RIMS2: variants seen among roughly 807,000 people sequenced by gnomAD.
The protein encoded by RIMS2 is regulating synaptic membrane exocytosis protein 2.
Under a neutral mutation model 174.4 loss-of-function variants are expected in RIMS2, and 59 were observed. The ratio of observed to expected loss-of-function variants is 0.34; its 90% CI spans 0.27 to 0.42. The LOEUF is 0.42. RIMS2 is among the 10% of genes least tolerant of loss of function. The pLI is 1.00. For missense variants in RIMS2, 1,620 were observed against 1,666.3 expected, an observed-to-expected ratio of 0.97 and a Z score of 0.48; for synonymous variants, 606 against 572.5, an observed-to-expected ratio of 1.06 and a Z score of -0.84.
intron 1 of RIMS2, among the ~76,000 whole-genome samples, chr8:103,604,845 A>AT (rs1355753073): frequency 2.3e-5 from 2 of 85,552 alleles, no homozygotes; most frequent in Non-Finnish European, 4.5e-5. Context: ...TTGTACATTG[A>AT]TTTTGTATCC....
chr8:103,893,116 G>A (rs2099256732), intron 4 of RIMS2, among the ~76,000 whole-genome samples: 1 of 152,032 alleles, frequency 6.6e-6, no homozygotes, highest in Non-Finnish European at 1.5e-5. Context: ...AAGAGGGATA[G>A]AGTAGATTCA....
chr8:104,148,951 C>T, intron 19 of RIMS2, 103 bp downstream of exon 25: 2 of 1,203,478 alleles, frequency 1.7e-6, no homozygotes, highest in Non-Finnish European at 1.2e-6. Context: ...TGGATGATGA[C>T]ATGTTCCAGA....
At chr8:103,975,602 G>C in intron 16 of RIMS2, 96 bp downstream of exon 18, 4 of 770,858 alleles carry the variant, frequency 5.2e-6, no homozygotes, top group Non-Finnish European at 8.2e-6. Flanking sequence ...ATACGAAAGG[G>C]AGTTTATTAG....
chr8:103,727,095 A>G (rs1002827271), intron 2 of RIMS2, among the ~76,000 whole-genome samples: 2 of 151,750 alleles, frequency 1.3e-5, no homozygotes, highest in Non-Finnish European at 2.9e-5. Flanking sequence ...TACTACTTCT[A>G]CTTATTTTTA....
At chr8:104,214,267 T>C (rs1009574181) in intron 19 of RIMS2, among the ~76,000 whole-genome samples, 4 of 152,244 alleles carry the variant, frequency 2.6e-5, no homozygotes, top group South Asian at 2.1e-4. Flanking sequence ...AGACTGTTTT[T>C]CTTGGGTAAT....
intron 2 of RIMS2, among the ~76,000 whole-genome samples, chr8:103,754,911 C>A (rs762839617): frequency 4.6e-5 from 7 of 152,092 alleles, no homozygotes; most frequent in Admixed American, 3.3e-4. Context: ...TTAATTGGCA[C>A]CTTTAGCCCG....
chr8:103,784,045 T>G (rs1410037788), intron 3 of RIMS2, among the ~76,000 whole-genome samples: 4 of 150,904 alleles, frequency 2.7e-5, no homozygotes, highest in African/African-American at 9.8e-5. Flanking sequence ...TTCATGTGTT[T>G]TTTGGCTGCA....
intron 19 of RIMS2, among the ~76,000 whole-genome samples, chr8:104,066,805 T>A (rs2097113092): frequency 6.6e-6 from 1 of 152,148 alleles, no homozygotes; most frequent in African/African-American, 2.4e-5. Flanking sequence ...TCTCACTTTA[T>A]TGAATAGTTG....
intron 19 of RIMS2, chr8:104,223,468 C>T (rs2099166030): frequency 7.3e-7 from 1 of 1,376,104 alleles, no homozygotes; most frequent in Admixed American, 3.4e-5. Context: ...ATTGGAGGTC[C>T]CGGCGGCCAG....
chr8:103,533,007 A>C (rs1387220309), intron 1 of RIMS2, among the ~76,000 whole-genome samples: 1 of 152,248 alleles, frequency 6.6e-6, no homozygotes, highest in Non-Finnish European at 1.5e-5. Context: ...ATATATGTTG[A>C]CATTACCAGA....
At chr8:103,916,923 A>G (rs1391945917) in intron 8 of RIMS2, among the ~76,000 whole-genome samples, 3 of 152,138 alleles carry the variant, frequency 2.0e-5, no homozygotes, top group Non-Finnish European at 2.9e-5. Flanking sequence ...CAATTCCTAC[A>G]TAGAGGTAAT....
intron 3 of RIMS2, among the ~76,000 whole-genome samples, chr8:103,867,712 G>T (rs2099090546): frequency 6.6e-6 from 1 of 151,740 alleles, no homozygotes; most frequent in Non-Finnish European, 1.5e-5. Context: ...TACTTCTAAT[G>T]TTAGAAAAAA....
At chr8:103,653,123 AT>A (rs1306280615) in intron 1 of RIMS2, among the ~76,000 whole-genome samples, 1 of 152,206 alleles carries the variant, frequency 6.6e-6, no homozygotes, top group East Asian at 1.9e-4. Flanking sequence ...TTTCTTTATT[AT>A]AATTATTCTG....
At chr8:103,763,125 C>G (rs939602259) in intron 2 of RIMS2, among the ~76,000 whole-genome samples, 1 of 151,828 alleles carries the variant, frequency 6.6e-6, no homozygotes, top group Admixed American at 6.6e-5. Flanking sequence ...AGAAAGGTAA[C>G]CAGGGTGTCA....
At chr8:103,604,248 A>C (rs921235058) in intron 1 of RIMS2, among the ~76,000 whole-genome samples, 4 of 151,090 alleles carry the variant, frequency 2.6e-5, no homozygotes, top group African/African-American at 9.7e-5. Flanking sequence ...CCATTTATTA[A>C]ATAGAGAATC....
intron 17 of RIMS2, among the ~76,000 whole-genome samples, chr8:104,004,399 AAGAAGAAAGTAAT>A: frequency 6.6e-6 from 1 of 152,170 alleles, no homozygotes; most frequent in Non-Finnish European, 1.5e-5. Flanking sequence ...GAATAGTTTC[AAGAAGAAAGTAAT>A]AACATTACAG....
exon 4 of RIMS2, chr8:103,885,523 T>G (rs780920782): frequency 1.2e-6 from 2 of 1,611,940 alleles, no homozygotes; most frequent in South Asian, 2.2e-5. Flanking sequence ...AAGAATATAT[T>G]GTAGATGATG....
chr8:104,219,636 T>G (rs1167734298), intron 19 of RIMS2, among the ~76,000 whole-genome samples: 1 of 152,224 alleles, frequency 6.6e-6, no homozygotes, highest in African/African-American at 2.4e-5. Flanking sequence ...AATAGTGCAG[T>G]CTTTTATTCA....
At chr8:103,642,525 T>C (rs2096251053) in intron 1 of RIMS2, among the ~76,000 whole-genome samples, 1 of 152,112 alleles carries the variant, frequency 6.6e-6, no homozygotes, top group African/African-American at 2.4e-5. Context: ...TTTTATTAAA[T>C]GTACATCAGA....
Sources: gnomAD v4.1 joint callset for allele counts (sites outside exome capture counted in the v4.1 genomes callset) on GRCh38, gnomAD v4.1.1 for gene constraint, MANE v1.5 for transcripts, NCBI Gene and HGNC (gene_info 2026-07-23, HGNC 2026-07-21) for gene names.